The following SOX5 variants were observed in gnomAD, a reference collection of about 807,000 sequenced individuals.
The protein encoded by SOX5 is SRY-box transcription factor 5.
Under a neutral mutation model 92.0 loss-of-function variants are expected in SOX5, and 9 were observed. That is an observed-to-expected ratio of 0.10 (90% CI 0.06 to 0.17). The LOEUF (loss-of-function observed/expected upper bound fraction) is 0.17, where lower values mean the gene tolerates loss of function less well. SOX5 is among the 10% of genes least tolerant of loss of function. SOX5 has a pLI of 1.00. For missense variants in SOX5, 642 were observed against 944.5 expected (o/e 0.68, Z 4.20); for synonymous variants, 344 against 336.3 (o/e 1.02, Z -0.25).
At position 24,550,139 on chromosome 12, in the gene SOX5, C is replaced by A. The variant is rs114797087; in HGVS notation, c.-251+12190G>T. 4.5e-3 allele frequency among the ~76,000 whole-genome samples: 681 copies of A among 152,314 alleles called. 2 individuals are homozygous for A. Among genetic ancestry groups the A allele is most frequent in the African/African-American group, 0.015 (643 of 41,550 alleles). The stretch of plus-strand genomic sequence containing the variant: ...CCTTGGCTGTATAATGGGACAGCAT[C>A]TGTAACTATGTTAGAGTTATTAGGA... On this transcript the variant is annotated intron_variant, in intron 1 of 4. Coordinates refer to the SOX5 transcript ENST00000446891.
At chr12:24,542,866 T>C (rs1952267818) in intron 1 of SOX5, among the ~76,000 whole-genome samples, 1 of 152,208 alleles carries the variant, frequency 6.6e-6, no homozygotes, top group East Asian at 1.9e-4. Context: ...GCCTTCAAGG[T>C]CTCCTCCATT....
chr12:24,239,355 G>A (rs1430992401), intron 3 of SOX5, among the ~76,000 whole-genome samples: 1 of 152,170 alleles, frequency 6.6e-6, no homozygotes, highest in South Asian at 2.1e-4. Context: ...AAGTAGAACT[G>A]CATGCCACAA....
intron 4 of SOX5, among the ~76,000 whole-genome samples, chr12:24,190,232 A>AG (rs1956391705): frequency 6.6e-6 from 1 of 152,224 alleles, no homozygotes; most frequent in South Asian, 2.1e-4. Flanking sequence ...CTTATGCTGG[A>AG]AATGGATCCG....
chr12:23,789,991 C>T (rs994377587), intron 3 of SOX5, among the ~76,000 whole-genome samples: 4 of 152,042 alleles, frequency 2.6e-5, no homozygotes, highest in Non-Finnish European at 5.9e-5. Flanking sequence ...TCACAGAATG[C>T]TTTTTATAAG....
intron 4 of SOX5, among the ~76,000 whole-genome samples, chr12:24,066,570 A>C (rs983660784): frequency 3.3e-5 from 5 of 152,330 alleles, no homozygotes; most frequent in African/African-American, 1.2e-4. Flanking sequence ...ATAAACAGCA[A>C]ATTTCAGAAG....
At chr12:24,030,554 T>C (rs1323250180) in intron 4 of SOX5, among the ~76,000 whole-genome samples, 1 of 151,842 alleles carries the variant, frequency 6.6e-6, no homozygotes, top group Admixed American at 6.6e-5. Flanking sequence ...CAAAATAGAA[T>C]AAAGACTTAA....
chr12:23,666,344 T>C (rs372700728), intron 6 of SOX5, among the ~76,000 whole-genome samples: 1 of 152,222 alleles, frequency 6.6e-6, no homozygotes, highest in East Asian at 1.9e-4. Flanking sequence ...CTGGTCCCAC[T>C]CTCAGAGTAT....
At chr12:24,255,714 A>G (rs944513768) in intron 3 of SOX5, among the ~76,000 whole-genome samples, 1 of 152,218 alleles carries the variant, frequency 6.6e-6, no homozygotes, top group Non-Finnish European at 1.5e-5. Flanking sequence ...AGGTAGGTCC[A>G]AGTTTAACAT....
intron 1 of SOX5, among the ~76,000 whole-genome samples, chr12:24,417,272 G>T (rs961966427): frequency 6.6e-6 from 1 of 152,158 alleles, no homozygotes; most frequent in African/African-American, 2.4e-5. Context: ...CCATTTCTTG[G>T]TTCTCCTATT....
chr12:24,217,125 T>A (rs1594384296), intron 3 of SOX5, among the ~76,000 whole-genome samples: 2 of 152,218 alleles, frequency 1.3e-5, no homozygotes, highest in East Asian at 3.8e-4. Flanking sequence ...TTGTTAAGTA[T>A]AGCACTTTTT....
intron 4 of SOX5, among the ~76,000 whole-genome samples, chr12:24,144,444 G>A (rs1185455232): frequency 2.6e-5 from 4 of 152,110 alleles, no homozygotes; most frequent in Admixed American, 1.3e-4. Context: ...ATAATTTACT[G>A]TTTAAGCAAT....
intron 8 of SOX5, among the ~76,000 whole-genome samples, chr12:23,639,561 C>A (rs73091366): frequency 6.6e-6 from 1 of 152,122 alleles, no homozygotes; most frequent in Admixed American, 6.5e-5. Context: ...TTCCCCAGAT[C>A]TCATTTCAAA....
chr12:23,575,531 G>A, intron 10 of SOX5, 130 bp downstream of exon 10: 2 of 764,514 alleles, frequency 2.6e-6, no homozygotes, highest in South Asian at 3.6e-5. Context: ...GACCTAGGTG[G>A]TTCCTCAAAT....
At chr12:23,900,804 CA>C (rs1368828326) in intron 1 of SOX5, among the ~76,000 whole-genome samples, 1 of 151,926 alleles carries the variant, frequency 6.6e-6, no homozygotes, top group African/African-American at 2.4e-5. Context: ...TACTGAAATA[CA>C]AAAAATTAGC....
At chr12:23,556,222 C>G (rs1216504257) in intron 11 of SOX5, among the ~76,000 whole-genome samples, 2 of 152,118 alleles carry the variant, frequency 1.3e-5, no homozygotes, top group Non-Finnish European at 2.9e-5. Context: ...CCAACTTGCA[C>G]ATAAAAAGCT....
intron 3 of SOX5, among the ~76,000 whole-genome samples, chr12:24,263,234 A>G (rs1166748176): frequency 2.6e-5 from 4 of 151,782 alleles, no homozygotes; most frequent in South Asian, 2.1e-4. Context: ...TAAAAAAAGG[A>G]AGAAATTACT....
At chr12:24,451,740 C>A (rs1428670844) in intron 1 of SOX5, among the ~76,000 whole-genome samples, 10 of 152,144 alleles carry the variant, frequency 6.6e-5, no homozygotes, top group South Asian at 6.2e-4. Context: ...GAGCAAGTAA[C>A]TAAACCTCTC....
chr12:23,643,675 A>G (rs1163591981), intron 7 of SOX5, among the ~76,000 whole-genome samples: 1 of 152,200 alleles, frequency 6.6e-6, no homozygotes, highest in Non-Finnish European at 1.5e-5. Flanking sequence ...TCCAGAAGCC[A>G]AGTAAAGAAA....
chr12:24,359,365 G>A (rs1595904379), intron 2 of SOX5, among the ~76,000 whole-genome samples: 1 of 152,212 alleles, frequency 6.6e-6, no homozygotes, highest in South Asian at 2.1e-4. Context: ...GCCGTTATCT[G>A]ATGGATGAGT....
Sources: allele counts gnomAD v4.1 joint callset (sites outside exome capture counted in the v4.1 genomes callset), GRCh38; gene constraint gnomAD v4.1.1; transcripts MANE v1.5; gene names NCBI Gene and HGNC (gene_info 2026-07-23, HGNC 2026-07-21).